The following SLA variants were observed in gnomAD, a reference collection of about 807,000 sequenced individuals.
SLA encodes the protein src-like-adapter.
In SLA, 16 loss-of-function variants were observed where a neutral mutation model predicts 30.3. The observed-to-expected ratio is 0.53, with a 90% CI of 0.36 to 0.80. The LOEUF is 0.80. Ranked by LOEUF, SLA falls within the 30% of genes least tolerant of loss-of-function variation. The probability of loss-of-function intolerance (pLI) is 0.01; values close to 1 mark genes in which losing one functional copy is unlikely to be tolerated. For synonymous variants in SLA, 143 were observed against 137.8 expected (o/e 1.04, Z -0.26); for missense variants, 310 against 345.2 (o/e 0.90, Z 0.81).
intron 3 of SLA, among the ~76,000 whole-genome samples, chr8:133,055,192 T>C (rs1841150317): frequency 6.6e-6 from 1 of 152,024 alleles, no homozygotes; most frequent in South Asian, 2.1e-4. Context: ...AGGTAAGTTG[T>C]CAGGGTTAGC....
chr8:133,069,788 G>A (rs1426763752), intron 2 of SLA, among the ~76,000 whole-genome samples: 2 of 151,952 alleles, frequency 1.3e-5, no homozygotes, highest in African/African-American at 4.8e-5. Flanking sequence ...ATCATTTGAG[G>A]TCAGGAGTTC....
intron 1 of SLA, 51 bp downstream of exon 1, chr8:133,102,502 C>T: frequency 6.5e-7 from 1 of 1,535,482 alleles, no homozygotes; most frequent in East Asian, 2.4e-5. Context: ...CACCCCAGGC[C>T]ACCTATGGCC....
intron 1 of SLA, chr8:133,094,646 G>C: frequency 9.9e-6 from 3 of 303,606 alleles, no homozygotes; most frequent in Non-Finnish European, 1.9e-5. Context: ...TAGTTAAGGA[G>C]CCCCCCAGGA....
chr8:133,053,421 G>A (rs1388586339), intron 3 of SLA, among the ~76,000 whole-genome samples: 2 of 152,198 alleles, frequency 1.3e-5, no homozygotes, highest in Non-Finnish European at 2.9e-5. Context: ...AGCGGTCCCT[G>A]TGCTGCAATG....
At chr8:133,040,585 C>T (rs751710782) in intron 7 of SLA, among the ~76,000 whole-genome samples, 4 of 152,048 alleles carry the variant, frequency 2.6e-5, no homozygotes, top group Non-Finnish European at 5.9e-5. Flanking sequence ...CTGCATACAG[C>T]GCTGATCCCC....
chr8:133,099,046 A>G (rs983009015), intron 1 of SLA, among the ~76,000 whole-genome samples: 2 of 152,204 alleles, frequency 1.3e-5, no homozygotes, highest in African/African-American at 4.8e-5. Context: ...GTTTTTAAGG[A>G]AAGCTTACTT....
At chr8:133,099,326 G>A (rs1423787259) in intron 1 of SLA, among the ~76,000 whole-genome samples, 1 of 152,192 alleles carries the variant, frequency 6.6e-6, no homozygotes. Context: ...CATTAGTGAA[G>A]CCACTGAGCA....
intron 3 of SLA, among the ~76,000 whole-genome samples, chr8:133,057,907 G>T (rs1166950360): frequency 1.3e-5 from 2 of 152,184 alleles, no homozygotes; most frequent in Non-Finnish European, 2.9e-5. Flanking sequence ...CTGGCCTCTG[G>T]GTGATCCTTG....
At chr8:133,065,161 A>G (rs1842875527) in intron 2 of SLA, among the ~76,000 whole-genome samples, 2 of 152,144 alleles carry the variant, frequency 1.3e-5, no homozygotes, top group South Asian at 4.1e-4. Context: ...GCCAACAACA[A>G]CGGTGATGAC....
chr8:133,052,813 G>A (rs1213962779), intron 3 of SLA, among the ~76,000 whole-genome samples: 3 of 152,258 alleles, frequency 2.0e-5, no homozygotes, highest in Non-Finnish European at 4.4e-5. Flanking sequence ...CGTATGATTT[G>A]TTTGGCTTCC....
chr8:133,098,496 C>T (rs1031619616), intron 1 of SLA, among the ~76,000 whole-genome samples: 3 of 152,226 alleles, frequency 2.0e-5, no homozygotes, highest in African/African-American at 7.2e-5. Context: ...CACTCACCTC[C>T]TTATTTGATA....
intron 1 of SLA, among the ~76,000 whole-genome samples, chr8:133,094,135 C>T (rs1848029342): frequency 1.3e-5 from 2 of 152,272 alleles, no homozygotes; most frequent in South Asian, 4.1e-4. Context: ...CTCATTTGTT[C>T]CTCCCAGGCG....
At chr8:133,064,519 C>T (rs2248346) in intron 2 of SLA, among the ~76,000 whole-genome samples, 121,691 of 152,184 alleles carry the variant, frequency 0.8, 48,824 homozygotes, top group Admixed American at 0.85. Flanking sequence ...CTGGAAACCT[C>T]ACATCTCCGG....
chr8:133,038,981 G>A (rs936678378), intron 8 of SLA, among the ~76,000 whole-genome samples: 7 of 152,128 alleles, frequency 4.6e-5, no homozygotes, highest in East Asian at 1.9e-4. Context: ...AGGCTCAAGC[G>A]ATTCTCCCTC....
Position 133,038,310 on chromosome 8 carries a change from C to T in SLA, c.*214G>A, listed in dbSNP as rs1049529. ...CCCGACATGTCATGATCCAATGTTT[C>T]GTGATGCCACAGCCCTGATCAGACA... On this transcript the variant is annotated 3_prime_UTR_variant, in exon 9 of 9. Transcript: ENST00000338087. The T allele has an allele frequency of 4.7e-4, 274 of 586,050 alleles. 2 individuals carry two copies. Among genetic ancestry groups the T allele is most frequent in the African/African-American group, 4.2e-3 (224 of 53,634 alleles). The allele number at this position is 586,050 out of a possible 1,614,324, so 36.3% of individuals were successfully genotyped here.
In SLA at chr8:133,084,030, A is replaced by G. The variant is rs77712550; in HGVS notation, c.-318-8900T>C. Among the ~76,000 whole-genome samples the G allele has an allele frequency of 3.8e-3, 571 of 152,224 alleles. 5 individuals carry two copies. The highest frequency in any genetic ancestry group is 0.013 in the African/African-American group (547 of 41,534). On this transcript the variant is annotated intron_variant, in intron 1 of 8. Coordinates refer to ENST00000338087, the MANE Select transcript of SLA (RefSeq NM_001045556.3). ...CTATGCCATTCCCTCTCCTGTGCTC[A>G]TGAGGCCATTCCCACCCACCAGCAT... is the stretch of plus-strand genomic sequence containing the variant.
intron 4 of SLA, 26 bp downstream of exon 4, chr8:133,050,790 G>C (rs753611465): frequency 7.0e-7 from 1 of 1,420,940 alleles, no homozygotes; most frequent in Non-Finnish European, 1.0e-6. Context: ...TTTGAAGATT[G>C]CACAAGTTTT....
At position 133,038,707 on chromosome 8, in the gene SLA, G is replaced by A. The variant is rs1208736092; in HGVS notation, c.648C>T (p.Asn216=). Residue 216 remains asparagine (N), a synonymous_variant, in exon 9 of 9, where the codon AAC becomes AAT. Transcript: ENST00000338087. ...RLQEDPEGTE[N]PLGVDESLFS... ...AAAGGGACTCGTCTACCCCAAGCGG[G>A]TTCTCTGTTCCCTCGGGGTCCTCCT... 6.2e-7 allele frequency: 1 copy of A among 1,614,074 alleles called. No individual in the cohort carries two copies. The highest frequency in any genetic ancestry group is 8.5e-7 in the Non-Finnish European group (1 of 1,179,982).
At chr8:133,099,482 G>A (rs1469645802) in intron 1 of SLA, among the ~76,000 whole-genome samples, 1 of 152,174 alleles carries the variant, frequency 6.6e-6, no homozygotes, top group African/African-American at 2.4e-5. Flanking sequence ...CTAAACATGT[G>A]TCTGCACACA....
Sources: gnomAD v4.1 joint callset for allele counts (sites outside exome capture counted in the v4.1 genomes callset) on GRCh38, gnomAD v4.1.1 for gene constraint, MANE v1.5 for transcripts, NCBI Gene and HGNC (gene_info 2026-07-23, HGNC 2026-07-21) for gene names.